Variants in VPS72 observed in about 807,000 individuals in gnomAD.
The protein encoded by VPS72 is vacuolar protein sorting 72 homolog, also known as vacuolar protein sorting-associated protein 72 homolog.
In VPS72, 27 loss-of-function variants were observed where a neutral mutation model predicts 38.9. That is an observed-to-expected ratio of 0.69 (90% confidence interval 0.51 to 0.96). The LOEUF is 0.96. Among genes scored for constraint, VPS72 ranks in the 40% least tolerant of loss-of-function variants. The probability of loss-of-function intolerance (pLI) is 0.00; values close to 1 mark genes in which losing one functional copy is unlikely to be tolerated. For missense variants in VPS72, 360 were observed against 479.5 expected (o/e 0.75, Z 2.33); for synonymous variants, 173 against 186.3 (o/e 0.93, Z 0.58).
intron 1 of VPS72, 94 bp downstream of exon 1, chr1:151,189,911 T>C: frequency 7.0e-7 from 1 of 1,429,732 alleles, no homozygotes; most frequent in Non-Finnish European, 9.7e-7. Context: ...AGAGCTCCTC[T>C]CTATTCCCCG....
In VPS72 at chr1:151,176,873, C is replaced by T. The variant is rs760493066; in HGVS notation, c.866G>A (p.Arg289His). ...PQGRPPKVPVREVCPVTHRPA... is the reference protein window; with the variant it reads ...PQGRPPKVPVHEVCPVTHRPA... ...ACGATGGGTCACTGGACAGACCTCA[C>T]GAACAGGGACTTTTGGGGGCCGCCC... Residue 289 changes from arginine (R) to histidine (H), a missense_variant, in exon 6 of 6, where the codon CGT (arginine) becomes CAT (histidine). Coordinates refer to ENST00000368892, the MANE Select transcript of VPS72 (RefSeq NM_005997.3). 72 of 1,613,972 alleles carry T rather than the reference C, an allele frequency of 4.5e-5. No homozygotes were observed. Among genetic ancestry groups the T allele is most frequent in the East Asian group, 1.1e-4 (5 of 44,898 alleles).
intron 1 of VPS72, among the ~76,000 whole-genome samples, chr1:151,186,366 C>T (rs1684348930): frequency 6.6e-6 from 1 of 151,926 alleles, no homozygotes; most frequent in Non-Finnish European, 1.5e-5. Flanking sequence ...CGAGACCAGC[C>T]TGGCCAACAT....
intron 1 of VPS72, among the ~76,000 whole-genome samples, chr1:151,188,030 T>C (rs901642051): frequency 2.0e-5 from 3 of 151,618 alleles, no homozygotes; most frequent in Non-Finnish European, 4.4e-5. Context: ...CAGTAATGAC[T>C]CTGTCAGTGA....
chr1:151,189,254 A>T (rs1170173758), intron 1 of VPS72, among the ~76,000 whole-genome samples: 1 of 152,172 alleles, frequency 6.6e-6, no homozygotes, highest in African/African-American at 2.4e-5. Flanking sequence ...AGAGCCTAAA[A>T]CAACCTATTA....
rs1410874299 is a variant in VPS72, at chr1:151,176,475, T to C, written c.*169A>G. 2 of 1,169,770 alleles carry C rather than the reference T, an allele frequency of 1.7e-6. No homozygotes were observed. The highest frequency in any genetic ancestry group is 2.4e-5 in the Admixed American group (1 of 40,910). The allele number at this position is 1,169,770 out of a possible 1,614,324, so 72.5% of individuals were successfully genotyped here. On this transcript the variant is annotated 3_prime_UTR_variant, in exon 6 of 6. Coordinates refer to ENST00000368892, the MANE Select transcript of VPS72 (RefSeq NM_005997.3). ...CACCAGACAAAAGGGATCTTTCTAT[T>C]TTATTAGATTAAAAAACACAACGAA... is the stretch of plus-strand genomic sequence containing the variant.
intron 4 of VPS72, among the ~76,000 whole-genome samples, chr1:151,179,556 G>A (rs893617084): frequency 4.6e-5 from 7 of 151,818 alleles, no homozygotes; most frequent in East Asian, 3.9e-4. Flanking sequence ...CTGAGATCGC[G>A]CCACTGCACT....
chr1:151,185,774 A>G (rs1266352963), intron 2 of VPS72, 24 bp downstream of exon 2: 1 of 1,613,088 alleles, frequency 6.2e-7, no homozygotes, highest in East Asian at 2.2e-5. Flanking sequence ...AGGAAATCCA[A>G]GACAACTAGG....
Position 151,184,617 on chromosome 1 carries a change from G to A in VPS72, c.386-124C>T, listed in dbSNP as rs113927516. The stretch of plus-strand genomic sequence containing the variant: ...TTTTTTTTTTTTGAGATGGAATCTC[G>A]CTCTGTCGCCCAGGCTGGAGTACAG... On this transcript the variant is annotated intron_variant, in intron 3 of 5. Coordinates refer to ENST00000368892, the MANE Select transcript of VPS72 (RefSeq NM_005997.3). 9.2e-4 allele frequency: 991 copies of A among 1,080,900 alleles called. 10 individuals carry two copies. The African/African-American group carries it at 0.014, about 15-fold the overall frequency. 67.0% of individuals were successfully genotyped at this position (1,080,900 alleles called of 1,614,324 possible).
chr1:151,181,256 T>C (rs1684232875), intron 4 of VPS72, among the ~76,000 whole-genome samples: 1 of 151,384 alleles, frequency 6.6e-6, no homozygotes, highest in African/African-American at 2.4e-5. Flanking sequence ...CTTTTTTTTT[T>C]TTTTTGAGTC....
At chr1:151,183,421 C>CAAAAA (rs769884773) in intron 4 of VPS72, among the ~76,000 whole-genome samples, 31 of 50,822 alleles carry the variant, frequency 6.1e-4, no homozygotes, top group African/African-American at 8.0e-4. Flanking sequence ...GACTCTGTCT[C>CAAAAA]AAAAAAAAAA....
At position 151,184,539 on chromosome 1, in the gene VPS72, A is replaced by ATATTTTAT. The variant is rs370088105; in HGVS notation, c.386-54_386-47dup. 1,191 of 1,499,564 alleles carry ATATTTTAT rather than the reference A, an allele frequency of 7.9e-4. 11 individuals carry two copies. In the African/African-American group the frequency reaches 0.014, roughly 18 times the overall value. The allele number at this position is 1,499,564 out of a possible 1,614,324, so 92.9% of individuals were successfully genotyped here. ...AAGAAATCTTTGAATTCATGTCCAC[A>ATATTTTAT]TATTTTATTTATTTATTTTGAAATG... On this transcript the variant is annotated intron_variant, in intron 3 of 5. Coordinates refer to ENST00000368892, the MANE Select transcript of VPS72 (RefSeq NM_005997.3).
intron 1 of VPS72, among the ~76,000 whole-genome samples, chr1:151,186,589 G>T (rs961785188): frequency 1.3e-5 from 2 of 151,806 alleles, no homozygotes; most frequent in Non-Finnish European, 2.9e-5. Flanking sequence ...GGATGAAGAG[G>T]ACTTAAACTA....
chr1:151,182,147 C>A (rs947296949), intron 4 of VPS72, among the ~76,000 whole-genome samples: 1 of 152,224 alleles, frequency 6.6e-6, no homozygotes, highest in Non-Finnish European at 1.5e-5. Flanking sequence ...CCTGCCTCAG[C>A]CTCCCAAGTA....
At chr1:151,183,892 C>CT (rs914124670) in intron 4 of VPS72, among the ~76,000 whole-genome samples, 38 of 144,662 alleles carry the variant, frequency 2.6e-4, no homozygotes, top group African/African-American at 4.3e-4. Context: ...TCACCCCCTG[C>CT]TTTTTTTTTT....
At chr1:151,178,890 C>A (rs943859583) in intron 4 of VPS72, among the ~76,000 whole-genome samples, 2 of 152,158 alleles carry the variant, frequency 1.3e-5, no homozygotes, top group Admixed American at 6.6e-5. Context: ...TATGTCTCCT[C>A]CTTAAGGGCA....
chr1:151,186,429 C>T (rs901020665), intron 1 of VPS72, among the ~76,000 whole-genome samples: 5 of 151,962 alleles, frequency 3.3e-5, no homozygotes, highest in African/African-American at 1.2e-4. Flanking sequence ...CATGGTGACG[C>T]ACACCTGTAG....
rs1227622947 is a variant in VPS72 at position 151,177,106 on chromosome 1, G to T, written c.708-75C>A. On this transcript the variant is annotated intron_variant, in intron 5 of 5. Transcript: ENST00000368892. ...ACAGATACAGAAAGAAGGAAATCAG[G>T]CTGGGTGCAGTGGCTCACACCTGTA... 5 of 1,449,146 alleles carry T rather than the reference G, an allele frequency of 3.5e-6. No homozygotes were observed. The East Asian group carries it at 1.2e-4, about 34-fold the overall frequency. The allele number at this position is 1,449,146 out of a possible 1,614,324, so 89.8% of individuals were successfully genotyped here. A position where few individuals can be genotyped will look rare whatever the true frequency, so the allele number is the denominator to read the frequency against.
chr1:151,184,645 G>A (rs1229820585), intron 3 of VPS72, 152 bp from the exon 4 acceptor site: 2 of 852,914 alleles, frequency 2.3e-6, no homozygotes, highest in Non-Finnish European at 3.4e-6. Flanking sequence ...GAGTACAGTG[G>A]CACGATCTCG....
intron 4 of VPS72, among the ~76,000 whole-genome samples, chr1:151,178,935 G>A (rs371727918): frequency 6.6e-6 from 1 of 152,194 alleles, no homozygotes; most frequent in East Asian, 1.9e-4. Context: ...ATATTATCAG[G>A]GTGATACAGC....
Sources: allele counts gnomAD v4.1 joint callset (sites outside exome capture counted in the v4.1 genomes callset), GRCh38; gene constraint gnomAD v4.1.1; transcripts MANE v1.5; gene names NCBI Gene and HGNC (gene_info 2026-07-23, HGNC 2026-07-21).